GTF2H1: variants seen among roughly 807,000 people sequenced by gnomAD.
The protein encoded by GTF2H1 is general transcription factor IIH subunit 1.
GTF2H1 carries 16 observed loss-of-function variants against 71.2 expected under a neutral mutation model. The ratio of observed to expected loss-of-function variants is 0.22; its 90% confidence interval spans 0.15 to 0.34. The LOEUF (loss-of-function observed/expected upper bound fraction) is 0.34. Ranked by LOEUF, GTF2H1 falls within the 10% of genes least tolerant of loss-of-function variation. The pLI is 1.00. For synonymous variants in GTF2H1, 215 were observed against 219.0 expected (o/e 0.98, Z 0.16); for missense variants, 498 against 648.2 (o/e 0.77, Z 2.52).
In GTF2H1 at chr11:18,339,597, G is replaced by A. The variant is rs750257556; in HGVS notation, c.547G>A (p.Gly183Ser). Reference sequence around the variant, plus strand: ...CCGGCCCCAAACTGATGGCTGTAACGGTCTAAGATATAATTTAACTTCTGA... The same window carrying A: ...CCGGCCCCAAACTGATGGCTGTAACAGTCTAAGATATAATTTAACTTCTGA... The part of the protein sequence containing the change: ...DVRPQTDGCN[G>S]LRYNLTSDII... Residue 183 changes from glycine to serine, a missense_variant, in exon 5 of 15, where the codon GGT (glycine) becomes AGT (serine). By Grantham distance (56) the Gly-to-Ser change is moderately conservative. Transcript: ENST00000265963. The A allele has an allele frequency of 1.4e-5, 22 of 1,613,510 alleles. No individual in the cohort carries two copies. In the South Asian group the frequency reaches 2.0e-4, roughly 14 times the overall value.
intron 7 of GTF2H1, among the ~76,000 whole-genome samples, chr11:18,346,455 T>C (rs1441414303): frequency 6.6e-6 from 1 of 152,150 alleles, no homozygotes; most frequent in Non-Finnish European, 1.5e-5. Context: ...TCCAGTAGGA[T>C]TGATTAGTAA....
In GTF2H1 at chr11:18,351,899, A is replaced by C. The variant is rs1268923662; in HGVS notation, c.1072A>C (p.Ile358Leu). 1 of 1,563,582 alleles carries C rather than the reference A, an allele frequency of 6.4e-7. No individual in the cohort carries two copies. Among genetic ancestry groups the C allele is most frequent in the East Asian group, 2.2e-5 (1 of 44,538 alleles). Residue 358 changes from isoleucine to leucine, a missense_variant, in exon 10 of 15, where the codon ATT (isoleucine) becomes CTT (leucine). Physicochemically the swap from Ile to Leu is conservative, Grantham distance 5 (BLOSUM62 2). Transcript: ENST00000265963. ...ATTATAGGCGAAATTACAAGAGTCC[A>C]TTGAATATGAAGACTTGGGGAAAAA... ...AVKRAKLQES[I>L]EYEDLGKNNS...
intron 7 of GTF2H1, among the ~76,000 whole-genome samples, chr11:18,345,563 A>T (rs910712484): frequency 6.9e-6 from 1 of 143,964 alleles, no homozygotes; most frequent in Admixed American, 7.2e-5. Context: ...CAGTGGCGTG[A>T]TCTCAGCTCA....
At chr11:18,356,105 C>G (rs1032996018) in intron 11 of GTF2H1, among the ~76,000 whole-genome samples, 2 of 151,992 alleles carry the variant, frequency 1.3e-5, no homozygotes, top group African/African-American at 4.8e-5. Context: ...GATCTGGGAC[C>G]GGGCACAGTG....
intron 11 of GTF2H1, among the ~76,000 whole-genome samples, chr11:18,357,294 T>C (rs1865578156): frequency 6.6e-6 from 1 of 152,252 alleles, no homozygotes; most frequent in Admixed American, 6.5e-5. Context: ...TAAATGTTGA[T>C]GTTGATACAG....
chr11:18,348,253 G>A (rs1464730441), intron 9 of GTF2H1: 1 of 396,602 alleles, frequency 2.5e-6, no homozygotes, highest in African/African-American at 2.1e-5. Flanking sequence ...CAATATGACA[G>A]AAAAACCGAA....
At chr11:18,354,331 G>A (rs190893014) in intron 11 of GTF2H1, among the ~76,000 whole-genome samples, 1 of 152,188 alleles carries the variant, frequency 6.6e-6, no homozygotes, top group Non-Finnish European at 1.5e-5. Context: ...CCACCAAAAA[G>A]TTAACTATTT....
chr11:18,365,078 GAAA>G (rs397849386), intron 14 of GTF2H1, among the ~76,000 whole-genome samples: 3 of 140,816 alleles, frequency 2.1e-5, no homozygotes, highest in Admixed American at 1.5e-4. Flanking sequence ...ATTTAAAAAA[GAAA>G]AAAAAAAAAA....
intron 11 of GTF2H1, 47 bp downstream of exon 11, chr11:18,352,493 C>T (rs774590097): frequency 1.3e-6 from 1 of 779,650 alleles, no homozygotes. Flanking sequence ...ATAGTTCCTT[C>T]CTCAGTTTAT....
chr11:18,328,788 C>T (rs1229305431), intron 1 of GTF2H1, among the ~76,000 whole-genome samples: 3 of 150,176 alleles, frequency 2.0e-5, no homozygotes, highest in Non-Finnish European at 4.4e-5. Flanking sequence ...ATCGCGCCAC[C>T]GCACTCCTGC....
At chr11:18,357,211 C>G (rs547140233) in intron 11 of GTF2H1, among the ~76,000 whole-genome samples, 1 of 152,294 alleles carries the variant, frequency 6.6e-6, no homozygotes, top group Admixed American at 6.5e-5. Context: ...ATTTGTTCCT[C>G]CCTATAGCAG....
intron 9 of GTF2H1, 197 bp downstream of exon 9, chr11:18,348,116 G>C (rs1391547994): frequency 1.7e-6 from 1 of 593,344 alleles, no homozygotes; most frequent in Non-Finnish European, 3.0e-6. Context: ...ATTGACTCTA[G>C]CCTGTTAGCC....
At chr11:18,357,804 T>G in intron 11 of GTF2H1, 148 bp from the exon 12 acceptor site, 1 of 668,856 alleles carries the variant, frequency 1.5e-6, no homozygotes, top group South Asian at 1.7e-5. Flanking sequence ...AGGAAAATAG[T>G]TCACTTTGAC....
intron 14 of GTF2H1, among the ~76,000 whole-genome samples, chr11:18,361,773 A>T (rs953294697): frequency 1.3e-5 from 2 of 152,238 alleles, no homozygotes; most frequent in Non-Finnish European, 2.9e-5. Flanking sequence ...GTAAGGAAAG[A>T]TAGAATTGCC....
chr11:18,362,986 AT>A (rs917277641), intron 14 of GTF2H1, among the ~76,000 whole-genome samples: 7 of 149,174 alleles, frequency 4.7e-5, no homozygotes, highest in South Asian at 2.1e-4. Context: ...TCTATTTTTA[AT>A]TTTTTTTTTC....
chr11:18,359,519 C>T (rs1477894457), intron 13 of GTF2H1, among the ~76,000 whole-genome samples: 1 of 151,992 alleles, frequency 6.6e-6, no homozygotes, highest in Non-Finnish European at 1.5e-5. Flanking sequence ...GATGCTTTTA[C>T]TTCAGCATTC....
intron 11 of GTF2H1, among the ~76,000 whole-genome samples, chr11:18,356,661 T>G (rs747261455): frequency 3.9e-5 from 6 of 152,152 alleles, no homozygotes; most frequent in Non-Finnish European, 5.9e-5. Context: ...CATAGCTTAC[T>G]GCAACCTTGA....
At position 18,366,990 on chromosome 11, in the gene GTF2H1, T is replaced by C. The variant is rs1279343186; in HGVS notation, c.*1121T>C. On this transcript the variant is annotated 3_prime_UTR_variant, in exon 15 of 15. Coordinates refer to ENST00000265963, the MANE Select transcript of GTF2H1 (RefSeq NM_005316.4). ...AATGTTTAAGACTTTAGATGTCTTG[T>C]ATTAAAAATTACACAAAAAAAGTAA... is the stretch of plus-strand genomic sequence containing the variant. The C allele has an allele frequency of 1.3e-5, 2 of 152,178 alleles. No homozygotes were observed. Among genetic ancestry groups the C allele is most frequent in the Non-Finnish European group, 2.9e-5 (2 of 68,030 alleles). The allele number at this position is 152,178 out of a possible 1,614,324, so 9.4% of individuals were successfully genotyped here.
chr11:18,361,273 A>G (rs1865689403), intron 14 of GTF2H1, among the ~76,000 whole-genome samples: 1 of 152,220 alleles, frequency 6.6e-6, no homozygotes, highest in South Asian at 2.1e-4. Context: ...ATATTCCCTG[A>G]GTGCCCCTGT....
Sources: gnomAD v4.1 joint callset for allele counts (sites outside exome capture counted in the v4.1 genomes callset) on GRCh38, gnomAD v4.1.1 for gene constraint, MANE v1.5 for transcripts, NCBI Gene and HGNC (gene_info 2026-07-23, HGNC 2026-07-21) for gene names.